Variants in C1orf146 observed in about 807,000 individuals in gnomAD.
The protein encoded by C1orf146 is protein SPO16 homolog.
A neutral mutation model predicts 23.0 loss-of-function variants in C1orf146; 22 were observed. That is an observed-to-expected ratio of 0.96 (90% confidence interval 0.68 to 1.36). C1orf146 has a LOEUF of 1.36. Ranked by LOEUF, C1orf146 falls within the 40% of genes most tolerant of loss-of-function variation. The pLI is 0.00. For missense variants in C1orf146, 199 were observed against 206.8 expected (o/e 0.96, Z 0.23); for synonymous variants, 59 against 65.3 (o/e 0.90, Z 0.47).
rs1386974088 is a variant in C1orf146 at position 92,244,797 on chromosome 1, A to T, written c.348A>T (p.Leu116Phe). ...TTTTCAGATTCCTGGGTTGTAACTT[A>T]CGAATACTTCCAGTACACAACACAG... ...RIQQRFLGCN[L>F]RILPVHNTVN... The change falls in exon 5 of 6, where the codon TTA (leucine) becomes TTT (phenylalanine). Residue 116 changes from leucine to phenylalanine, a missense_variant. By Grantham distance (22) the Leu-to-Phe change is conservative (BLOSUM62 0). Coordinates refer to ENST00000370375, the MANE Select transcript of C1orf146 (RefSeq NM_001012425.2). The T allele has an allele frequency of 6.2e-7, 1 of 1,606,766 alleles. No individual in the cohort carries two copies. The highest frequency in any genetic ancestry group is 1.7e-5 in the Admixed American group (1 of 59,982).
At chr1:92,224,032 ATTTATTT>A (rs1651904481) in intron 1 of C1orf146, among the ~76,000 whole-genome samples, 1 of 139,348 alleles carries the variant, frequency 7.2e-6, no homozygotes, top group African/African-American at 2.9e-5. Context: ...TTATTTATTT[ATTTATTT>A]ATTTATTTAT....
chr1:92,226,315 G>A (rs543986384), intron 1 of C1orf146, among the ~76,000 whole-genome samples: 7 of 151,510 alleles, frequency 4.6e-5, no homozygotes, highest in Non-Finnish European at 8.8e-5. Context: ...TCAGATTAAC[G>A]CTAAATTCTG....
chr1:92,231,538 C>G, intron 2 of C1orf146, 52 bp downstream of exon 2: 1 of 1,283,162 alleles, frequency 7.8e-7, no homozygotes, highest in Admixed American at 2.1e-5. Context: ...TTAAAAGCAG[C>G]TTTCATATAG....
chr1:92,219,496 C>CTTTTTTTTT lies in C1orf146; in HGVS notation c.-40+1465_-40+1473dup, dbSNP rs71091269. 1.3e-3 allele frequency among the ~76,000 whole-genome samples: 104 copies of CTTTTTTTTT among 81,138 alleles called. 7 individuals are homozygous for CTTTTTTTTT. The highest frequency in any genetic ancestry group is 1.6e-3 in the Non-Finnish European group (74 of 46,922). 53.2% of individuals were successfully genotyped at this position (81,138 alleles called of 152,430 possible). On this transcript the variant is annotated intron_variant, in intron 1 of 5. Coordinates refer to ENST00000370375, the MANE Select transcript of C1orf146 (RefSeq NM_001012425.2). ...CATCACTGAAAGTGACTTTCTCTTT[C>CTTTTTTTTT]TTTTTTTTTTTTTTTTTTTTTTTTT...
rs888140055 is a variant in C1orf146, at chr1:92,245,785, A to G, written c.*111A>G. 4 of 680,060 alleles carry G rather than the reference A, an allele frequency of 5.9e-6. No individual in the cohort carries two copies. The highest frequency in any genetic ancestry group is 9.1e-6 in the Non-Finnish European group (4 of 438,536). 42.1% of individuals were successfully genotyped at this position (680,060 alleles called of 1,614,324 possible). A position where few individuals can be genotyped will look rare whatever the true frequency, so the allele number is the denominator to read the frequency against. ...TTATATTAATTTGAAATAATAACATATACAATTAAAAGTGATTTTATTTTA... is the reference window on the plus strand; with the variant it reads ...TTATATTAATTTGAAATAATAACATGTACAATTAAAAGTGATTTTATTTTA... On this transcript the variant is annotated 3_prime_UTR_variant, in exon 6 of 6. Transcript: ENST00000370375.
At chr1:92,237,476 CAG>C (rs907934264) in intron 2 of C1orf146, among the ~76,000 whole-genome samples, 3 of 152,296 alleles carry the variant, frequency 2.0e-5, no homozygotes, top group African/African-American at 7.2e-5. Flanking sequence ...AGTTTTGTCT[CAG>C]AGGAGTACCC....
chr1:92,237,615 C>T (rs1001213426), intron 2 of C1orf146, among the ~76,000 whole-genome samples: 4 of 152,148 alleles, frequency 2.6e-5, no homozygotes, highest in African/African-American at 9.7e-5. Context: ...CTGGGAGAAC[C>T]ACTGCTCTCT....
intron 2 of C1orf146, among the ~76,000 whole-genome samples, chr1:92,238,805 G>C (rs534210554): frequency 7.2e-4 from 110 of 152,100 alleles, no homozygotes; most frequent in Non-Finnish European, 1.4e-3. Flanking sequence ...CTTTAGGTCT[G>C]AATGCCTTTA....
intron 1 of C1orf146, among the ~76,000 whole-genome samples, chr1:92,224,789 T>C (rs919098308): frequency 6.6e-6 from 1 of 152,184 alleles, no homozygotes; most frequent in African/African-American, 2.4e-5. Flanking sequence ...GGAGTCTTGC[T>C]CTGTCACCAG....
chr1:92,231,371 A>T lies in C1orf146; in HGVS notation c.-39-11A>T, dbSNP rs1652115514. On this transcript the variant is annotated splice_polypyrimidine_tract_variant and intron_variant, in intron 1 of 5. Coordinates refer to ENST00000370375, the MANE Select transcript of C1orf146 (RefSeq NM_001012425.2). ...ATTTCTTTGCATTCTTTGTGTTCTT[A>T]ATTTTCTCAGATTGTTGCACCATTA... The T allele has an allele frequency of 7.7e-7, 1 of 1,304,084 alleles. No individual in the cohort carries two copies. The highest frequency in any genetic ancestry group is 1.1e-6 in the Non-Finnish European group (1 of 929,276). The allele number at this position is 1,304,084 out of a possible 1,614,324, so 80.8% of individuals were successfully genotyped here.
At chr1:92,244,076 C>T in intron 3 of C1orf146, 141 bp from the exon 4 acceptor site, 2 of 572,188 alleles carry the variant, frequency 3.5e-6, no homozygotes, top group East Asian at 3.0e-5. Context: ...GTAGGAATTC[C>T]ATTATAGTAC....
At chr1:92,230,251 G>C (rs1363732334) in intron 1 of C1orf146, among the ~76,000 whole-genome samples, 1 of 151,470 alleles carries the variant, frequency 6.6e-6, no homozygotes, top group African/African-American at 2.4e-5. Flanking sequence ...GTCGCTTGAA[G>C]CCAGAGTTCA....
At chr1:92,234,749 T>C (rs986921312) in intron 2 of C1orf146, among the ~76,000 whole-genome samples, 4 of 152,212 alleles carry the variant, frequency 2.6e-5, no homozygotes, top group African/African-American at 9.6e-5. Flanking sequence ...CCTGGACTCT[T>C]TTTGGTTGGT....
chr1:92,242,215 T>G lies in C1orf146; in HGVS notation c.70T>G (p.Tyr24Asp). The change falls in exon 3 of 6, where the codon TAT (tyrosine) becomes GAT (aspartate). Residue 24 changes from tyrosine to aspartate, a missense_variant. Physicochemically the swap from Tyr to Asp is radical, Grantham distance 160. Transcript: ENST00000370375. ...TIIISSSLKS[Y>D]EVATALENRS... ...TTTCTGATATTTTTTAAAAAAGAGT[T>G]ATGAAGTTGCAACTGCCCTAGAAAA... 1.3e-6 allele frequency: 2 copies of G among 1,567,406 alleles called. No individual in the cohort carries two copies. The highest frequency in any genetic ancestry group is 1.7e-6 in the Non-Finnish European group (2 of 1,147,202).
intron 3 of C1orf146, 80 bp downstream of exon 3, chr1:92,242,385 C>A: frequency 2.8e-6 from 2 of 717,348 alleles, no homozygotes; most frequent in East Asian, 2.8e-5. Context: ...AGTTCAGTAA[C>A]CATGTAATGT....
chr1:92,243,456 C>G (rs181502042), intron 3 of C1orf146, among the ~76,000 whole-genome samples: 9 of 152,282 alleles, frequency 5.9e-5, no homozygotes, highest in Admixed American at 5.9e-4. Flanking sequence ...ACACCATTCT[C>G]CTGCCTCAGC....
intron 2 of C1orf146, among the ~76,000 whole-genome samples, chr1:92,235,854 C>A (rs1417628637): frequency 1.3e-5 from 2 of 152,114 alleles, no homozygotes. Context: ...GATCCCTTTA[C>A]CATTATGTAA....
chr1:92,233,365 G>T lies in C1orf146; in HGVS notation c.66+1879G>T, dbSNP rs1396756741. On this transcript the variant is annotated intron_variant, in intron 2 of 5. Transcript: ENST00000370375. ...TTCCCAGCACCATTTATTAAATAGG[G>T]AATCCTTTCCCCATTGCTTGTTTTT... Among the ~76,000 whole-genome samples, 5 of 151,718 alleles carry T rather than the reference G, an allele frequency of 3.3e-5. 1 individual carries two copies. Among genetic ancestry groups the T allele is most frequent in the Admixed American group, 2.6e-4 (4 of 15,232 alleles).
intron 2 of C1orf146, chr1:92,240,976 CAT>C (rs1652418840): frequency 6.6e-6 from 3 of 455,820 alleles, no homozygotes; most frequent in South Asian, 3.2e-5. Flanking sequence ...TGTTTTCTTA[CAT>C]GTTTTATGAC....
Sources: gnomAD v4.1 joint callset for allele counts (sites outside exome capture counted in the v4.1 genomes callset) on GRCh38, gnomAD v4.1.1 for gene constraint, MANE v1.5 for transcripts, NCBI Gene and HGNC (gene_info 2026-07-23, HGNC 2026-07-21) for gene names.